DYNC1I1: variants seen among roughly 807,000 people sequenced by gnomAD.
The protein encoded by DYNC1I1 is dynein cytoplasmic 1 intermediate chain 1.
In DYNC1I1, 43 loss-of-function variants were observed where a neutral mutation model predicts 86.6. The ratio of observed to expected loss-of-function variants is 0.50; its 90% CI spans 0.39 to 0.64. The LOEUF (loss-of-function observed/expected upper bound fraction) is 0.64, where lower values mean the gene tolerates loss of function less well. Among genes scored for constraint, DYNC1I1 ranks in the 30% least tolerant of loss-of-function variants. DYNC1I1 has a pLI of 0.00. For synonymous variants in DYNC1I1, 262 were observed against 283.7 expected (o/e 0.92, Z 0.77); for missense variants, 604 against 788.8 (o/e 0.77, Z 2.81).
At chr7:95,779,546 T>C (rs1005766096) in intron 1 of DYNC1I1, among the ~76,000 whole-genome samples, 2 of 152,220 alleles carry the variant, frequency 1.3e-5, no homozygotes, top group African/African-American at 4.8e-5. Flanking sequence ...CTTGCCTTCC[T>C]TTGAACCAAA....
intron 1 of DYNC1I1, among the ~76,000 whole-genome samples, chr7:95,788,567 T>C (rs752003086): frequency 1.3e-4 from 20 of 152,158 alleles, no homozygotes; most frequent in Non-Finnish European, 2.2e-4. Context: ...GGAAGGGTGA[T>C]GTGAGTTGGT....
intron 14 of DYNC1I1, among the ~76,000 whole-genome samples, chr7:96,050,186 A>G (rs983535633): frequency 1.3e-5 from 2 of 152,200 alleles, no homozygotes; most frequent in African/African-American, 2.4e-5. Flanking sequence ...ATAAAATATT[A>G]AAAAAGGAAG....
chr7:95,786,307 C>T (rs982769954), intron 1 of DYNC1I1, among the ~76,000 whole-genome samples: 1 of 152,120 alleles, frequency 6.6e-6, no homozygotes. Context: ...GGAAATGATC[C>T]CCAGTTCGCA....
chr7:95,836,424 G>A (rs956951150), intron 5 of DYNC1I1, among the ~76,000 whole-genome samples: 2 of 151,180 alleles, frequency 1.3e-5, no homozygotes, highest in African/African-American at 4.9e-5. Flanking sequence ...TTCAACTTTG[G>A]TGAATCTGAC....
intron 5 of DYNC1I1, among the ~76,000 whole-genome samples, chr7:95,832,369 TGTTGAACATTTGG>T (rs1319597131): frequency 6.6e-6 from 1 of 151,904 alleles, no homozygotes. Context: ...AGTCTAACAT[TGTTGAACATTTGG>T]GTTGGTTCCA....
chr7:95,972,382 G>A (rs1025777440), intron 6 of DYNC1I1, among the ~76,000 whole-genome samples: 1 of 152,084 alleles, frequency 6.6e-6, no homozygotes, highest in African/African-American at 2.4e-5. Context: ...TTTTTTCTCA[G>A]CTCTGACTCC....
chr7:95,792,996 A>T (rs921459305), intron 1 of DYNC1I1, among the ~76,000 whole-genome samples: 11 of 152,116 alleles, frequency 7.2e-5, no homozygotes, highest in African/African-American at 2.7e-4. Context: ...CATGGTAAGG[A>T]GTTGGGACAT....
chr7:95,883,991 A>C (rs1790526343), intron 6 of DYNC1I1, among the ~76,000 whole-genome samples: 1 of 152,184 alleles, frequency 6.6e-6, no homozygotes, highest in South Asian at 2.1e-4. Flanking sequence ...GTTCAATAAA[A>C]CTTTATAGAG....
chr7:95,904,204 A>G (rs761503828), intron 6 of DYNC1I1, among the ~76,000 whole-genome samples: 3 of 152,118 alleles, frequency 2.0e-5, no homozygotes, highest in Non-Finnish European at 1.5e-5. Context: ...CAGAATCCAC[A>G]TGACATTACT....
intron 3 of DYNC1I1, among the ~76,000 whole-genome samples, chr7:95,812,237 A>C (rs1263105603): frequency 6.6e-6 from 1 of 152,160 alleles, no homozygotes; most frequent in African/African-American, 2.4e-5. Flanking sequence ...GATTGAAACC[A>C]AATGGGAATC....
At chr7:96,106,287 CT>C (rs1462943129) in intron 16 of DYNC1I1, among the ~76,000 whole-genome samples, 8 of 152,048 alleles carry the variant, frequency 5.3e-5, no homozygotes, top group African/African-American at 1.9e-4. Flanking sequence ...AATCCCAGCA[CT>C]TTGGGAGGCC....
chr7:95,944,316 C>T (rs2116457902), intron 6 of DYNC1I1, among the ~76,000 whole-genome samples: 1 of 152,176 alleles, frequency 6.6e-6, no homozygotes, highest in African/African-American at 2.4e-5. Context: ...AAATCAAAAC[C>T]ACAATGAGAT....
intron 6 of DYNC1I1, among the ~76,000 whole-genome samples, chr7:95,916,499 T>C (rs1791471158): frequency 6.6e-6 from 1 of 152,246 alleles, no homozygotes; most frequent in Non-Finnish European, 1.5e-5. Context: ...GAATAATCAG[T>C]AGACATTTGT....
chr7:96,020,146 G>C (rs1325184724), intron 10 of DYNC1I1, among the ~76,000 whole-genome samples: 3 of 151,604 alleles, frequency 2.0e-5, no homozygotes, highest in Non-Finnish European at 4.4e-5. Context: ...GGGGGACATG[G>C]AGAAATTGAA....
At chr7:95,843,969 A>T (rs1439035089) in intron 5 of DYNC1I1, among the ~76,000 whole-genome samples, 2 of 152,236 alleles carry the variant, frequency 1.3e-5, no homozygotes, top group African/African-American at 4.8e-5. Context: ...TGGAACTGCA[A>T]TGGGAAAATT....
At chr7:96,083,610 G>A (rs552522029) in intron 16 of DYNC1I1, among the ~76,000 whole-genome samples, 3 of 152,216 alleles carry the variant, frequency 2.0e-5, no homozygotes, top group African/African-American at 4.8e-5. Flanking sequence ...CCTAAACTGC[G>A]GAAGGCCAGA....
At chr7:95,889,140 A>T (rs1264058823) in intron 6 of DYNC1I1, among the ~76,000 whole-genome samples, 1 of 152,234 alleles carries the variant, frequency 6.6e-6, no homozygotes, top group Non-Finnish European at 1.5e-5. Flanking sequence ...TCACATATAT[A>T]TGGCTGTATA....
intron 10 of DYNC1I1, among the ~76,000 whole-genome samples, chr7:96,005,488 A>G (rs1282494082): frequency 6.6e-6 from 1 of 152,092 alleles, no homozygotes; most frequent in Non-Finnish European, 1.5e-5. Context: ...CTGACACGAG[A>G]CGTATAGTAG....
chr7:95,850,807 T>C (rs1789557368), intron 5 of DYNC1I1, among the ~76,000 whole-genome samples: 1 of 152,226 alleles, frequency 6.6e-6, no homozygotes, highest in East Asian at 1.9e-4. Flanking sequence ...TTATTGAGAA[T>C]GTGTACCTTT....
Sources: allele counts gnomAD v4.1 joint callset (sites outside exome capture counted in the v4.1 genomes callset), GRCh38; gene constraint gnomAD v4.1.1; transcripts MANE v1.5; gene names NCBI Gene and HGNC (gene_info 2026-07-23, HGNC 2026-07-21).